The following CAMK4 variants were observed in gnomAD, a reference collection of about 807,000 sequenced individuals.
CAMK4 encodes the protein calcium/calmodulin dependent protein kinase IV.
CAMK4 carries 22 observed loss-of-function variants against 44.9 expected under a neutral mutation model. That is an observed-to-expected ratio of 0.49 (90% CI 0.35 to 0.70). The LOEUF (loss-of-function observed/expected upper bound fraction) is 0.70, where lower values mean the gene tolerates loss of function less well. Among genes scored for constraint, CAMK4 ranks in the 30% least tolerant of loss-of-function variants. The probability of loss-of-function intolerance (pLI) is 0.01; values close to 1 mark genes in which losing one functional copy is unlikely to be tolerated. For missense variants in CAMK4, 498 were observed against 586.8 expected, an observed-to-expected ratio of 0.85 and a Z score of 1.56; for synonymous variants, 218 against 215.4, an observed-to-expected ratio of 1.01 and a Z score of -0.11.
chr5:111,456,806 G>A (rs1221377151), intron 7 of CAMK4, among the ~76,000 whole-genome samples: 2 of 152,144 alleles, frequency 1.3e-5, no homozygotes, highest in African/African-American at 2.4e-5. Context: ...ACTGAAAAAT[G>A]TATCCTTCTG....
At chr5:111,299,122 T>G (rs1345213124) in intron 1 of CAMK4, among the ~76,000 whole-genome samples, 1 of 151,926 alleles carries the variant, frequency 6.6e-6, no homozygotes, top group Non-Finnish European at 1.5e-5. Context: ...GCCTAGGAGG[T>G]GGAGTGTAAG....
intron 5 of CAMK4, among the ~76,000 whole-genome samples, chr5:111,440,446 T>A (rs1443552668): frequency 2.6e-5 from 4 of 151,702 alleles, no homozygotes; most frequent in Middle Eastern, 3.4e-3. Context: ...CCACAAACTG[T>A]TTCTTTTCTA....
intron 5 of CAMK4, among the ~76,000 whole-genome samples, chr5:111,417,726 A>G (rs1229036352): frequency 1.3e-5 from 2 of 152,120 alleles, no homozygotes; most frequent in African/African-American, 2.4e-5. Flanking sequence ...AAATTTCCAG[A>G]TATTTGACTT....
At chr5:111,301,721 C>G (rs944512677) in intron 1 of CAMK4, among the ~76,000 whole-genome samples, 3 of 152,222 alleles carry the variant, frequency 2.0e-5, no homozygotes, top group African/African-American at 4.8e-5. Context: ...CCCCCACTAT[C>G]ATTTTGGGAA....
At chr5:111,333,795 G>C (rs1436909014) in intron 1 of CAMK4, among the ~76,000 whole-genome samples, 1 of 151,574 alleles carries the variant, frequency 6.6e-6, no homozygotes, top group African/African-American at 2.4e-5. Context: ...AGTTTGAGTT[G>C]ATCAGAGTTG....
At chr5:111,286,253 A>G (rs898101825) in intron 1 of CAMK4, among the ~76,000 whole-genome samples, 3 of 152,178 alleles carry the variant, frequency 2.0e-5, no homozygotes, top group Admixed American at 1.3e-4. Context: ...GCATCTTCGT[A>G]AAGATGGAGA....
chr5:111,379,095 A>G (rs536454307), intron 4 of CAMK4, among the ~76,000 whole-genome samples: 2 of 152,240 alleles, frequency 1.3e-5, no homozygotes, highest in South Asian at 4.1e-4. Flanking sequence ...CTCTAAGGAG[A>G]CCTTGCATAT....
At chr5:111,388,230 A>G (rs1303950153) in intron 4 of CAMK4, among the ~76,000 whole-genome samples, 2 of 152,194 alleles carry the variant, frequency 1.3e-5, no homozygotes, top group Non-Finnish European at 2.9e-5. Context: ...TGCCCCACAT[A>G]TCTACTCTAT....
At chr5:111,389,698 G>T (rs1751732547) in intron 4 of CAMK4, among the ~76,000 whole-genome samples, 1 of 152,204 alleles carries the variant, frequency 6.6e-6, no homozygotes, top group Non-Finnish European at 1.5e-5. Context: ...TTGTAGGCCA[G>T]AAGGTAATTG....
intron 4 of CAMK4, among the ~76,000 whole-genome samples, chr5:111,379,139 C>T (rs1413361493): frequency 6.6e-6 from 1 of 152,110 alleles, no homozygotes; most frequent in African/African-American, 2.4e-5. Flanking sequence ...AGTGAGAACT[C>T]TCATGTTTTT....
chr5:111,332,977 A>G (rs1580607248), intron 1 of CAMK4, among the ~76,000 whole-genome samples: 1 of 151,532 alleles, frequency 6.6e-6, no homozygotes, highest in Admixed American at 6.6e-5. Context: ...CTTATTAAGA[A>G]CTGTGTTAAT....
chr5:111,461,777 C>T (rs1165428398), intron 7 of CAMK4, among the ~76,000 whole-genome samples: 3 of 89,400 alleles, frequency 3.4e-5, no homozygotes, highest in African/African-American at 3.6e-5. Flanking sequence ...TTTTGTGGCT[C>T]GCAGAAAACA....
At chr5:111,429,959 C>T (rs1420839269) in intron 5 of CAMK4, among the ~76,000 whole-genome samples, 1 of 149,342 alleles carries the variant, frequency 6.7e-6, no homozygotes, top group African/African-American at 2.5e-5. Context: ...TACCTCCAAA[C>T]TCATTCTATG....
intron 2 of CAMK4, among the ~76,000 whole-genome samples, chr5:111,346,416 A>C (rs1025414311): frequency 2.0e-5 from 3 of 151,810 alleles, no homozygotes; most frequent in Non-Finnish European, 2.9e-5. Context: ...CTACTATATT[A>C]CTTCAATGGA....
At chr5:111,466,875 C>T (rs561517155) in intron 7 of CAMK4, among the ~76,000 whole-genome samples, 58 of 152,076 alleles carry the variant, frequency 3.8e-4, no homozygotes, top group Non-Finnish European at 6.9e-4. Flanking sequence ...ACAAAAGAGC[C>T]TGCATAGCCA....
At position 111,406,982 on chromosome 5, in the gene CAMK4, C is replaced by T. The variant is rs186239904; in HGVS notation, c.459+12200C>T. ...TTTCAGTTGATTTAATTCTCAGAAT[C>T]ATAGGCTTTTAAGTAGGAGAATTAG... is the stretch of plus-strand genomic sequence containing the variant. On this transcript the variant is annotated intron_variant, in intron 5 of 10. Coordinates refer to ENST00000282356, the MANE Select transcript of CAMK4 (RefSeq NM_001744.6). 3.0e-4 allele frequency among the ~76,000 whole-genome samples: 46 copies of T among 152,282 alleles called. 2 individuals are homozygous for T. The East Asian group carries it at 5.2e-3, about 17-fold the overall frequency.
intron 5 of CAMK4, among the ~76,000 whole-genome samples, chr5:111,434,072 G>A (rs1185657194): frequency 6.6e-6 from 1 of 152,066 alleles, no homozygotes; most frequent in Non-Finnish European, 1.5e-5. Context: ...CGAGCAGGCG[G>A]ATCACAAGAT....
intron 8 of CAMK4, among the ~76,000 whole-genome samples, chr5:111,476,932 C>T (rs999025203): frequency 2.6e-5 from 4 of 152,190 alleles, no homozygotes; most frequent in African/African-American, 9.7e-5. Flanking sequence ...AGCACTATAA[C>T]TCTTCAGTGG....
chr5:111,230,822 TA>T (rs370223931), intron 1 of CAMK4, among the ~76,000 whole-genome samples: 7 of 151,638 alleles, frequency 4.6e-5, no homozygotes, highest in East Asian at 3.9e-4. Context: ...TCTTTTTTTT[TA>T]AAAAAAATAA....
Sources: allele counts gnomAD v4.1 joint callset (sites outside exome capture counted in the v4.1 genomes callset), GRCh38; gene constraint gnomAD v4.1.1; transcripts MANE v1.5; gene names NCBI Gene and HGNC (gene_info 2026-07-23, HGNC 2026-07-21).